Variants in TENM3 observed in about 807,000 individuals in gnomAD.
TENM3 encodes teneurin-3.
TENM3 carries 63 observed loss-of-function variants against 255.1 expected under a neutral mutation model. That is an observed-to-expected ratio of 0.25 (90% CI 0.20 to 0.30). The LOEUF (loss-of-function observed/expected upper bound fraction) is 0.30, where lower values mean the gene tolerates loss of function less well. Ranked by LOEUF, TENM3 falls within the 10% of genes least tolerant of loss-of-function variation. The pLI, the probability that TENM3 is intolerant of heterozygous loss-of-function variation, is 1.00. For synonymous variants in TENM3, 1,306 were observed against 1,322.3 expected, an observed-to-expected ratio of 0.99 and a Z score of 0.27; for missense variants, 2,929 against 3,461.1, an observed-to-expected ratio of 0.85 and a Z score of 3.86.
intron 24 of TENM3, among the ~76,000 whole-genome samples, chr4:182,785,712 TAAAAAAA>T (rs397879537): frequency 1.7e-5 from 1 of 60,086 alleles, no homozygotes; most frequent in African/African-American, 6.5e-5. Context: ...TGTCTCAAGA[TAAAAAAA>T]AAAAAAAAAA....
At chr4:182,415,848 G>A (rs755205189) in intron 3 of TENM3, among the ~76,000 whole-genome samples, 3 of 152,016 alleles carry the variant, frequency 2.0e-5, no homozygotes, top group African/African-American at 4.8e-5. Flanking sequence ...TTTCTGCTTT[G>A]TTTACACCAT....
At chr4:182,464,162 T>C (rs1026968918) in intron 3 of TENM3, among the ~76,000 whole-genome samples, 4 of 152,200 alleles carry the variant, frequency 2.6e-5, no homozygotes, top group Non-Finnish European at 5.9e-5. Flanking sequence ...ACTGTATTAA[T>C]GATATAGTGA....
the TENM3 span, among the ~76,000 whole-genome samples, chr4:181,559,096 T>C: frequency 6.6e-6 from 1 of 151,572 alleles, no homozygotes; most frequent in Non-Finnish European, 1.5e-5. Flanking sequence ...GCTTTTCGAA[T>C]TAAAAAAAAA....
chr4:181,671,745 CT>C, the TENM3 span, among the ~76,000 whole-genome samples: 2,186 of 146,432 alleles, frequency 0.015, 44 homozygotes, highest in African/African-American at 0.049. Flanking sequence ...GCAAACTTTA[CT>C]TTTTTTTTTT....
intron 1 of TENM3, among the ~76,000 whole-genome samples, chr4:182,155,041 A>G (rs529860431): frequency 1.3e-5 from 2 of 152,294 alleles, no homozygotes; most frequent in Non-Finnish European, 2.9e-5. Flanking sequence ...CAGATTACAT[A>G]ATTGTGTTTA....
chr4:181,736,408 TG>T, the TENM3 span, among the ~76,000 whole-genome samples: 6 of 152,136 alleles, frequency 3.9e-5, no homozygotes, highest in Admixed American at 1.3e-4. Context: ...TAATTGCCAA[TG>T]ATAAGACAAC....
intron 18 of TENM3, among the ~76,000 whole-genome samples, chr4:182,739,541 G>A (rs942129617): frequency 3.3e-5 from 5 of 152,164 alleles, no homozygotes; most frequent in Admixed American, 1.3e-4. Flanking sequence ...CTTTGCAGAG[G>A]TTTTTGGAAG....
the TENM3 span, among the ~76,000 whole-genome samples, chr4:182,000,679 A>G: frequency 3.9e-5 from 6 of 152,150 alleles, no homozygotes; most frequent in Non-Finnish European, 1.5e-5. Context: ...AAATAAATAC[A>G]TAAGAAACAA....
chr4:182,466,351 A>G (rs1316932484), intron 3 of TENM3, among the ~76,000 whole-genome samples: 1 of 152,140 alleles, frequency 6.6e-6, no homozygotes, highest in Non-Finnish European at 1.5e-5. Flanking sequence ...GGTTGCCCAG[A>G]CATTCTTTGG....
chr4:181,609,558 C>G, the TENM3 span, among the ~76,000 whole-genome samples: 10 of 152,368 alleles, frequency 6.6e-5, no homozygotes, highest in African/African-American at 2.2e-4. Flanking sequence ...TGTGAACACG[C>G]TGCATAAGTG....
At chr4:182,549,961 C>T (rs1023938083) in intron 3 of TENM3, among the ~76,000 whole-genome samples, 4 of 151,994 alleles carry the variant, frequency 2.6e-5, no homozygotes, top group South Asian at 2.1e-4. Context: ...TTTTTTCATA[C>T]GTAATGGGAA....
At chr4:182,143,817 A>G (rs1749654908), upstream of TENM3, 1 of 152,568 alleles carries the variant, frequency 6.6e-6, no homozygotes, top group Non-Finnish European at 1.5e-5. The surrounding 1 kb of genome is among the most constrained non-coding windows in gnomAD (Gnocchi z 4.3). Context: ...GCCATTCATC[A>G]GCGTGAAGTG....
chr4:182,102,523 T>A, the TENM3 span, among the ~76,000 whole-genome samples: 1 of 152,164 alleles, frequency 6.6e-6, no homozygotes, highest in East Asian at 1.9e-4. Flanking sequence ...TTTTAGGAAT[T>A]TAATCTCATC....
chr4:182,270,724 C>T (rs532376722), intron 1 of TENM3, among the ~76,000 whole-genome samples: 2 of 152,338 alleles, frequency 1.3e-5, no homozygotes, highest in Admixed American at 1.3e-4. Flanking sequence ...AAAATTCTCA[C>T]TTTCAGGAAA....
chr4:181,479,134 G>A, the TENM3 span, among the ~76,000 whole-genome samples: 232 of 152,268 alleles, frequency 1.5e-3, no homozygotes, highest in Non-Finnish European at 2.6e-3. Context: ...TTAAATGATT[G>A]AGGAAAATAT....
At chr4:181,605,761 T>G in the TENM3 span, among the ~76,000 whole-genome samples, 1 of 152,314 alleles carries the variant, frequency 6.6e-6, no homozygotes, top group Admixed American at 6.5e-5. Flanking sequence ...ATGGTATTTT[T>G]GGAACATTAT....
chr4:181,888,494 GTATA>G, the TENM3 span, among the ~76,000 whole-genome samples: 20 of 28,224 alleles, frequency 7.1e-4, 1 homozygote, highest in South Asian at 4.3e-3. Flanking sequence ...ATAGAAATGT[GTATA>G]TATATATATA....
intron 2 of TENM3, among the ~76,000 whole-genome samples, chr4:182,345,915 G>A (rs1033807255): frequency 6.6e-6 from 1 of 152,090 alleles, no homozygotes; most frequent in Admixed American, 6.6e-5. Context: ...TATTTGCAAA[G>A]ATTGGTTTAC....
chr4:181,467,060 AGTGTGTGTGT>A, the TENM3 span, among the ~76,000 whole-genome samples: 5 of 88,848 alleles, frequency 5.6e-5, no homozygotes, highest in South Asian at 6.9e-4. Flanking sequence ...ATATTTTACT[AGTGTGTGTGT>A]GTGTGTGTGT....
Sources: gnomAD v4.1 joint callset for allele counts (sites outside exome capture counted in the v4.1 genomes callset) on GRCh38, gnomAD v4.1.1 for gene constraint, Gnocchi (gnomAD v3.1) non-coding constraint, MANE v1.5 for transcripts, NCBI Gene and HGNC (gene_info 2026-07-23, HGNC 2026-07-21) for gene names.